Variants in ARHGEF10L observed in about 807,000 individuals in gnomAD.
ARHGEF10L encodes rho guanine nucleotide exchange factor 10-like protein.
Under a neutral mutation model 141.2 loss-of-function variants are expected in ARHGEF10L, and 69 were observed. That is an observed-to-expected ratio of 0.49 (90% CI 0.40 to 0.60). The LOEUF is 0.60. Ranked by LOEUF, ARHGEF10L falls within the 20% of genes least tolerant of loss-of-function variation. The probability of loss-of-function intolerance (pLI) is 0.00; values close to 1 mark genes in which losing one functional copy is unlikely to be tolerated. For missense variants in ARHGEF10L, 1,482 were observed against 1,734.3 expected (o/e 0.85, Z 2.58); for synonymous variants, 711 against 718.5 (o/e 0.99, Z 0.17).
chr1:17,666,821 G>T (rs920472808), intron 26 of ARHGEF10L, among the ~76,000 whole-genome samples: 1 of 12,334 alleles, frequency 8.1e-5, no homozygotes, highest in African/African-American at 3.4e-4. Context: ...TCCCTTCCCA[G>T]CCCCTGGTTC....
chr1:17,648,758 G>A (rs1422482041), intron 22 of ARHGEF10L, 83 bp downstream of exon 22: 57 of 1,543,378 alleles, frequency 3.7e-5, no homozygotes, highest in Non-Finnish European at 4.8e-5. Flanking sequence ...TTTCCAGGGA[G>A]CGCCCACAGC....
chr1:17,538,246 G>C (rs1201656162), upstream of ARHGEF10L, among the ~76,000 whole-genome samples: 1 of 152,160 alleles, frequency 6.6e-6, no homozygotes, highest in Non-Finnish European at 1.5e-5. Flanking sequence ...GACATCTGAA[G>C]TCTTCTTCCT....
chr1:17,649,920 C>T (rs1470417516), intron 22 of ARHGEF10L, among the ~76,000 whole-genome samples: 2 of 152,124 alleles, frequency 1.3e-5, no homozygotes, highest in East Asian at 1.9e-4. Context: ...GGAGAGAGGG[C>T]GGGCCCCGAG....
chr1:17,638,815 A>G, intron 20 of ARHGEF10L, 126 bp downstream of exon 20: 2 of 1,403,276 alleles, frequency 1.4e-6, no homozygotes, highest in Non-Finnish European at 1.9e-6. Context: ...GTGGATATGT[A>G]GGCATCGTGG....
intron 26 of ARHGEF10L, among the ~76,000 whole-genome samples, chr1:17,685,293 C>G (rs1030219962): frequency 6.6e-6 from 1 of 152,176 alleles, no homozygotes; most frequent in Non-Finnish European, 1.5e-5. Flanking sequence ...TAAACTGTTC[C>G]CCATGGATTC....
chr1:17,612,605 C>G (rs1307795233), intron 7 of ARHGEF10L, among the ~76,000 whole-genome samples: 1 of 152,200 alleles, frequency 6.6e-6, no homozygotes, highest in African/African-American at 2.4e-5. Flanking sequence ...ATCCATTTAT[C>G]CCCCAACCTC....
rs539049888 is a variant in ARHGEF10L, at chr1:17,602,688, T to C, written c.349+470T>C. The stretch of plus-strand genomic sequence containing the variant: ...CAGCAAGGGCCTCATCTGTGGGGTG[T>C]GGGGGAGCGTTATGGGGTGAGGTGT... On this transcript the variant is annotated intron_variant, in intron 5 of 28. Transcript: ENST00000361221. 4.5e-4 allele frequency among the ~76,000 whole-genome samples: 69 copies of C among 152,026 alleles called. 1 individual carries two copies. The South Asian group carries it at 8.9e-3, about 20-fold the overall frequency.
At chr1:17,561,127 G>A (rs1243270663) in intron 1 of ARHGEF10L, among the ~76,000 whole-genome samples, 1 of 152,210 alleles carries the variant, frequency 6.6e-6, no homozygotes, top group Non-Finnish European at 1.5e-5. Flanking sequence ...AAGTGAGATG[G>A]TGTCTGCAAA....
At chr1:17,689,671 C>A (rs2064946460) in intron 27 of ARHGEF10L, 15 of 415,026 alleles carry the variant, frequency 3.6e-5, no homozygotes, top group South Asian at 2.7e-4. Flanking sequence ...TATACAGGTT[C>A]AATCCATTTT....
At chr1:17,636,274 C>T (rs2060997453) in intron 18 of ARHGEF10L, among the ~76,000 whole-genome samples, 1 of 152,094 alleles carries the variant, frequency 6.6e-6, no homozygotes, top group African/African-American at 2.4e-5. Context: ...CAGACCCCTT[C>T]GAAAGGGGAA....
the ARHGEF10L span, among the ~76,000 whole-genome samples, chr1:17,523,690 A>T: frequency 1.3e-5 from 2 of 151,944 alleles, no homozygotes; most frequent in Admixed American, 1.3e-4. Flanking sequence ...TGCTCTTCCC[A>T]CTCAGTGCCT....
chr1:17,686,078 TTTTC>T (rs537589890), intron 26 of ARHGEF10L, among the ~76,000 whole-genome samples: 2,765 of 140,570 alleles, frequency 0.02, 51 homozygotes, highest in Admixed American at 0.067. Context: ...GTTTTGTTTT[TTTTC>T]TTTCTTTCTT....
In ARHGEF10L at chr1:17,667,540, G is replaced by A. The variant is rs556312337; in HGVS notation, c.3009+2945G>A. 3.3e-5 allele frequency among the ~76,000 whole-genome samples: 5 copies of A among 152,376 alleles called. No homozygotes were observed. The East Asian group carries it at 5.8e-4, about 18-fold the overall frequency. ...CTGTTGGTCAGAGGACATTCTCTCA[G>A]TGCTGCCAGTAGGAGAATTGGGGCA... On this transcript the variant is annotated intron_variant, in intron 26 of 28. Transcript: ENST00000361221.
At chr1:17,657,417 T>C (rs2062337230) in intron 25 of ARHGEF10L, among the ~76,000 whole-genome samples, 1 of 152,192 alleles carries the variant, frequency 6.6e-6, no homozygotes, top group South Asian at 2.1e-4. Flanking sequence ...CCCCATCCTC[T>C]GGGCTTGTTC....
chr1:17,539,363 A>T (rs1310245928), upstream of ARHGEF10L, among the ~76,000 whole-genome samples: 2 of 152,016 alleles, frequency 1.3e-5, no homozygotes, highest in African/African-American at 4.8e-5. The surrounding 1 kb of genome is among the most constrained non-coding windows in gnomAD (Gnocchi z 6.0). Flanking sequence ...AGAAGCCAGC[A>T]CCCTGCGCGC....
chr1:17,663,955 A>C (rs1341948360), intron 25 of ARHGEF10L, among the ~76,000 whole-genome samples: 1 of 152,158 alleles, frequency 6.6e-6, no homozygotes, highest in Non-Finnish European at 1.5e-5. Context: ...CTTCCATCTC[A>C]GCAGTTCTCA....
At chr1:17,655,776 C>T in intron 23 of ARHGEF10L, 103 bp from the exon 24 acceptor site, 1 of 1,042,372 alleles carries the variant, frequency 9.6e-7, no homozygotes, top group Non-Finnish European at 1.4e-6. Context: ...AGAAGGGATG[C>T]TTCTCTCAGG....
In ARHGEF10L at chr1:17,611,326, C is replaced by T. The variant is rs560372263; in HGVS notation, c.610-1732C>T. Among the ~76,000 whole-genome samples, 5 of 152,340 alleles carry T rather than the reference C, an allele frequency of 3.3e-5. No individual in the cohort carries two copies. The South Asian group carries it at 8.3e-4, about 25-fold the overall frequency. ...AGCTCTCAGAGGGACCCCTGTCCTG[C>T]ATGCATACTTCTTTGCATAACAATA... On this transcript the variant is annotated intron_variant, in intron 7 of 28. Transcript: ENST00000361221.
chr1:17,569,110 G>A (rs2077884450), intron 1 of ARHGEF10L, among the ~76,000 whole-genome samples: 1 of 152,166 alleles, frequency 6.6e-6, no homozygotes. Context: ...CCCTCTCTGA[G>A]CCTCAGTTTC....
Sources: allele counts gnomAD v4.1 joint callset (sites outside exome capture counted in the v4.1 genomes callset), GRCh38; gene constraint gnomAD v4.1.1; non-coding constraint Gnocchi (gnomAD v3.1); transcripts MANE v1.5; gene names NCBI Gene and HGNC (gene_info 2026-07-23, HGNC 2026-07-21).